TKFC: variants seen among roughly 807,000 people sequenced by gnomAD.
The protein encoded by TKFC is triokinase and FMN cyclase.
A neutral mutation model predicts 61.0 loss-of-function variants in TKFC; 46 were observed. The observed-to-expected ratio is 0.75, with a 90% confidence interval of 0.60 to 0.96. TKFC has a LOEUF of 0.96. TKFC is among the 50% of genes least tolerant of loss of function. TKFC has a pLI of 0.00. For synonymous variants in TKFC, 314 were observed against 330.1 expected (o/e 0.95, Z 0.53); for missense variants, 715 against 777.5 (o/e 0.92, Z 0.96).
rs760930987 is a variant in TKFC at position 61,344,200 on chromosome 11, G to A, written c.1167G>A (p.Glu389=). Residue 389 remains glutamate (E), a synonymous_variant, in exon 13 of 18, where the codon GAG becomes GAA. Coordinates refer to ENST00000394900, the MANE Select transcript of TKFC (RefSeq NM_015533.4). The part of the protein sequence containing the change: ...ERVCSTLLGL[E]EHLNALDRAA... Reference sequence around the variant, plus strand: ...TGTGCAGCACTCTCCTGGGCCTGGAGGAACACCTGAATGCCCTGGACCGGG... The same window carrying A: ...TGTGCAGCACTCTCCTGGGCCTGGAAGAACACCTGAATGCCCTGGACCGGG... 6.8e-6 allele frequency: 11 copies of A among 1,612,640 alleles called. No individual in the cohort carries two copies. In the East Asian group the frequency reaches 2.5e-4, roughly 36 times the overall value.
At position 61,334,826 on chromosome 11, in the gene TKFC, A is replaced by G. The variant is rs1856536793; in HGVS notation, c.3+95A>G. On this transcript the variant is annotated intron_variant, in intron 2 of 17. Coordinates refer to ENST00000394900, the MANE Select transcript of TKFC (RefSeq NM_015533.4). ...TAAAGCTCCTTACACTTTGACTGAGAGATGCTATTGCCTCCTGAGGCTCAC... is the reference window on the plus strand; with the variant it reads ...TAAAGCTCCTTACACTTTGACTGAGGGATGCTATTGCCTCCTGAGGCTCAC... The G allele has an allele frequency of 7.0e-6, 11 of 1,571,430 alleles. No homozygotes were observed. The South Asian group carries it at 1.2e-4, about 18-fold the overall frequency.
intron 3 of TKFC, 113 bp from the exon 4 acceptor site, chr11:61,338,953 C>A: frequency 2.3e-6 from 2 of 859,084 alleles, no homozygotes; most frequent in Non-Finnish European, 3.6e-6. Context: ...GATCTTTGAG[C>A]ACCAAGCACA....
chr11:61,343,910 G>A lies in TKFC; in HGVS notation c.1037G>A (p.Gly346Glu), dbSNP rs1167951796. The A allele has an allele frequency of 1.9e-6, 3 of 1,611,102 alleles. No homozygotes were observed. The highest frequency in any genetic ancestry group is 2.7e-5 in the African/African-American group (2 of 74,918). ...AACGTGGCTGCAGTCTCCATTACTG[G>A]GCGGAAGCGGAGCCGGGTAGCCCCT... ...WPNVAAVSIT[G>E]RKRSRVAPAE... Residue 346 changes from glycine (G) to glutamate (E), a missense_variant, in exon 12 of 18, where the codon GGG becomes GAG. By Grantham distance (98) the Gly-to-Glu change is moderately conservative (BLOSUM62 -2). Transcript: ENST00000394900.
intron 13 of TKFC, 51 bp downstream of exon 13, chr11:61,344,324 C>G (rs780909945): frequency 1.5e-5 from 23 of 1,569,162 alleles, no homozygotes; most frequent in Non-Finnish European, 2.0e-5. Context: ...ACCTTAGCCC[C>G]CCTTCCACTT....
downstream of TKFC, chr11:61,349,848 G>A: frequency 1.7e-6 from 1 of 574,894 alleles, no homozygotes; most frequent in South Asian, 2.0e-5. Flanking sequence ...CTCTGTGGCG[G>A]GGCAGCCTAA....
At chr11:61,341,747 A>T in intron 6 of TKFC, 76 bp from the exon 7 acceptor site, 1 of 1,429,058 alleles carries the variant, frequency 7.0e-7, no homozygotes, top group South Asian at 1.1e-5. Context: ...AGGGCCTCTG[A>T]GATGCTGCTG....
chr11:61,343,307 T>C, intron 10 of TKFC, 35 bp from the exon 11 acceptor site: 1 of 1,587,396 alleles, frequency 6.3e-7, no homozygotes, highest in Non-Finnish European at 8.6e-7. Flanking sequence ...GATGCCCATT[T>C]TTCCCTTTTG....
chr11:61,337,461 T>G (rs1338997825), intron 2 of TKFC, among the ~76,000 whole-genome samples: 1 of 152,172 alleles, frequency 6.6e-6, no homozygotes, highest in Non-Finnish European at 1.5e-5. Context: ...TCTCTACACA[T>G]AGTGTCTAGT....
At chr11:61,341,588 G>A in intron 6 of TKFC, 74 bp downstream of exon 6, 1 of 1,500,790 alleles carries the variant, frequency 6.7e-7, no homozygotes, top group Non-Finnish European at 9.1e-7. Flanking sequence ...GCAGGTTCCT[G>A]TTGGCTGCCT....
At position 61,346,619 on chromosome 11, in the gene TKFC, A is replaced by T; in HGVS notation, c.*116A>T. 1 of 1,489,928 alleles carries T rather than the reference A, an allele frequency of 6.7e-7. No individual in the cohort carries two copies. Among genetic ancestry groups the T allele is most frequent in the Non-Finnish European group, 8.9e-7 (1 of 1,126,052 alleles). 92.3% of individuals were successfully genotyped at this position (1,489,928 alleles called of 1,614,324 possible). ...TCCCCCGGCCTGGCCCCATTGGCCC[A>T]CCCTCTAAGTTGAGCAGGAAATCCT... is the stretch of plus-strand genomic sequence containing the variant. On this transcript the variant is annotated 3_prime_UTR_variant, in exon 18 of 18. Transcript: ENST00000394900. The surrounding 1 kb of genome is among the most constrained non-coding windows in gnomAD (Gnocchi z 4.1).
chr11:61,353,264 T>C, downstream of TKFC: 1 of 1,248,690 alleles, frequency 8.0e-7, no homozygotes. Context: ...CCTTCCCACC[T>C]GGCATTGCCC....
At chr11:61,351,255 A>G (rs1476968235), downstream of TKFC, 3 of 1,133,344 alleles carry the variant, frequency 2.6e-6, no homozygotes, top group Non-Finnish European at 3.6e-6. Context: ...TCCCGGGTCC[A>G]TATGTGATCT....
At chr11:61,341,627 G>A in intron 6 of TKFC, 113 bp downstream of exon 6, 5 of 1,324,056 alleles carry the variant, frequency 3.8e-6, no homozygotes, top group African/African-American at 2.9e-5. Context: ...ATTCCCCAGG[G>A]GTCTAGGGAG....
Position 61,339,506 on chromosome 11 carries a change from A to G in TKFC, c.486+71A>G, listed in dbSNP as rs1477478041. 22 of 1,498,268 alleles carry G rather than the reference A, an allele frequency of 1.5e-5. No homozygotes were observed. In the East Asian group the frequency reaches 4.8e-4, roughly 33 times the overall value. 92.8% of individuals were successfully genotyped at this position (1,498,268 alleles called of 1,614,324 possible). A position where few individuals can be genotyped will look rare whatever the true frequency, so the allele number is the denominator to read the frequency against. On this transcript the variant is annotated intron_variant, in intron 5 of 17. Coordinates refer to ENST00000394900, the MANE Select transcript of TKFC (RefSeq NM_015533.4). Reference sequence around the variant, plus strand: ...CTTCCCTTGCCTGGCAGCACCCAGTAACTGGACCTTTCCAGCCCTTCCCCA... The same window carrying G: ...CTTCCCTTGCCTGGCAGCACCCAGTGACTGGACCTTTCCAGCCCTTCCCCA...
chr11:61,348,541 A>G lies in TKFC; in HGVS notation c.*2038A>G, dbSNP rs1046955686. The G allele has an allele frequency of 8.2e-6, 8 of 972,874 alleles. No individual in the cohort carries two copies. In the African/African-American group the frequency reaches 8.8e-5, roughly 11 times the overall value. The allele number at this position is 972,874 out of a possible 1,614,324, so 60.3% of individuals were successfully genotyped here. ...TTCCTGTGTTGAAAGGCTCACCCCCACTATGGTAGTGTTAGGACGTGGGGC... is the reference window on the plus strand; with the variant it reads ...TTCCTGTGTTGAAAGGCTCACCCCCGCTATGGTAGTGTTAGGACGTGGGGC... On this transcript the variant is annotated 3_prime_UTR_variant, in exon 18 of 18. Coordinates refer to ENST00000394900, the MANE Select transcript of TKFC (RefSeq NM_015533.4).
Position 61,347,386 on chromosome 11 carries a change from T to TA in TKFC, c.*884dup. 1 of 880,246 alleles carries TA rather than the reference T, an allele frequency of 1.1e-6. No homozygotes were observed. Among genetic ancestry groups the TA allele is most frequent in the Non-Finnish European group, 1.4e-6 (1 of 734,436 alleles). 54.5% of individuals were successfully genotyped at this position (880,246 alleles called of 1,614,324 possible). ...GTAAAACCCTGTCTCTACCAAAAAA[T>TA]ACAAAATTAGCCAGGCATAGTAGTG... On this transcript the variant is annotated 3_prime_UTR_variant, in exon 18 of 18. Transcript: ENST00000394900.
At position 61,343,117 on chromosome 11, in the gene TKFC, G is replaced by A. The variant is rs1047258898; in HGVS notation, c.866-225G>A. 34 of 610,414 alleles carry A rather than the reference G, an allele frequency of 5.6e-5. No homozygotes were observed. The South Asian group carries it at 6.0e-4, about 11-fold the overall frequency. The allele number at this position is 610,414 out of a possible 1,614,324, so 37.8% of individuals were successfully genotyped here. A position where few individuals can be genotyped will look rare whatever the true frequency, so the allele number is the denominator to read the frequency against. On this transcript the variant is annotated intron_variant, in intron 10 of 17. Transcript: ENST00000394900. ...CAACACAGCGCCCAGCACCTGGCAC[G>A]AACTGAGTAAATGAGACCTGTAATT...
rs1857240529 is a variant in TKFC, at chr11:61,348,355, A to T, written c.*1852A>T. Reference sequence around the variant, plus strand: ...ACATGCCATTCCATGAAGACAGAGGATCATGTGGATCTTTGGTGCCTTCCG... The same window carrying T: ...ACATGCCATTCCATGAAGACAGAGGTTCATGTGGATCTTTGGTGCCTTCCG... On this transcript the variant is annotated 3_prime_UTR_variant, in exon 18 of 18. Coordinates refer to ENST00000394900, the MANE Select transcript of TKFC (RefSeq NM_015533.4). 2 of 985,312 alleles carry T rather than the reference A, an allele frequency of 2.0e-6. No individual in the cohort carries two copies. The highest frequency in any genetic ancestry group is 3.5e-5 in the African/African-American group (2 of 57,220). The allele number at this position is 985,312 out of a possible 1,614,324, so 61.0% of individuals were successfully genotyped here. A position where few individuals can be genotyped will look rare whatever the true frequency, so the allele number is the denominator to read the frequency against.
Position 61,348,158 on chromosome 11 carries a change from G to A in TKFC, c.*1655G>A. On this transcript the variant is annotated 3_prime_UTR_variant, in exon 18 of 18. Transcript: ENST00000394900. ...GGAAGGAGGCTGACCTCAGACGGTGGCCTGTGGATCCCAGCTCTGTCATTT... is the reference window on the plus strand; with the variant it reads ...GGAAGGAGGCTGACCTCAGACGGTGACCTGTGGATCCCAGCTCTGTCATTT... The A allele has an allele frequency of 2.0e-6, 2 of 985,456 alleles. No individual in the cohort carries two copies. Among genetic ancestry groups the A allele is most frequent in the Non-Finnish European group, 2.4e-6 (2 of 829,938 alleles). 61.0% of individuals were successfully genotyped at this position (985,456 alleles called of 1,614,324 possible). A position where few individuals can be genotyped will look rare whatever the true frequency, so the allele number is the denominator to read the frequency against.
Sources: allele counts gnomAD v4.1 joint callset (sites outside exome capture counted in the v4.1 genomes callset), GRCh38; gene constraint gnomAD v4.1.1; non-coding constraint Gnocchi (gnomAD v3.1); transcripts MANE v1.5; gene names NCBI Gene and HGNC (gene_info 2026-07-23, HGNC 2026-07-21).